Variants in ASAP2 observed in about 807,000 individuals in gnomAD.
ASAP2 encodes ArfGAP with SH3 domain, ankyrin repeat and PH domain 2.
Under a neutral mutation model 131.4 loss-of-function variants are expected in ASAP2, and 45 were observed. The ratio of observed to expected loss-of-function variants is 0.34; its 90% CI spans 0.27 to 0.44. The LOEUF (loss-of-function observed/expected upper bound fraction) is 0.44, where lower values mean the gene tolerates loss of function less well. ASAP2 is among the 20% of genes least tolerant of loss of function. The probability of loss-of-function intolerance (pLI) is 1.00; values close to 1 mark genes in which losing one functional copy is unlikely to be tolerated. For synonymous variants in ASAP2, 510 were observed against 503.0 expected (o/e 1.01, Z -0.19); for missense variants, 1,011 against 1,297.0 (o/e 0.78, Z 3.39).
chr2:9,399,730 G>A (rs889747083), intron 24 of ASAP2: 3 of 476,344 alleles, frequency 6.3e-6, no homozygotes, highest in Non-Finnish European at 1.1e-5. Flanking sequence ...TCGGGGCGGG[G>A]CCAGTGGCCA....
chr2:9,394,690 T>C (rs1333546607), intron 24 of ASAP2, among the ~76,000 whole-genome samples: 1 of 152,230 alleles, frequency 6.6e-6, no homozygotes, highest in African/African-American at 2.4e-5. Flanking sequence ...TGAGTTCACA[T>C]TGACATCTCT....
intron 1 of ASAP2, among the ~76,000 whole-genome samples, chr2:9,222,077 C>T (rs536371461): frequency 1.7e-4 from 26 of 152,290 alleles, no homozygotes; most frequent in Admixed American, 2.6e-4. Context: ...CGTGAGCCAC[C>T]GCGCTGGCCT....
At chr2:9,208,692 C>G (rs926866104) in intron 1 of ASAP2, among the ~76,000 whole-genome samples, 4 of 152,144 alleles carry the variant, frequency 2.6e-5, no homozygotes, top group Non-Finnish European at 5.9e-5. Flanking sequence ...AGCAGCAAGG[C>G]TTACAGATGA....
chr2:9,256,855 G>A (rs1001876352), intron 1 of ASAP2, among the ~76,000 whole-genome samples: 1 of 152,236 alleles, frequency 6.6e-6, no homozygotes, highest in Non-Finnish European at 1.5e-5. Context: ...CCGAGAGTCA[G>A]TATGACTGTC....
intron 1 of ASAP2, among the ~76,000 whole-genome samples, chr2:9,251,306 T>A (rs1664689087): frequency 6.6e-6 from 1 of 152,122 alleles, no homozygotes; most frequent in African/African-American, 2.4e-5. Context: ...GGCATTTGAC[T>A]TCGTCCCACT....
At chr2:9,344,832 C>T in intron 11 of ASAP2, 32 bp downstream of exon 11, 1 of 1,586,560 alleles carries the variant, frequency 6.3e-7, no homozygotes, top group Non-Finnish European at 8.6e-7. Flanking sequence ...ATGGTGTCTG[C>T]TGTATTAGGT....
At chr2:9,258,974 G>T (rs1338682124) in intron 1 of ASAP2, among the ~76,000 whole-genome samples, 3 of 152,028 alleles carry the variant, frequency 2.0e-5, no homozygotes, top group African/African-American at 4.8e-5. Flanking sequence ...AGCCAGTTTC[G>T]CGGGGCCAGA....
chr2:9,368,948 G>A (rs1383527486), intron 16 of ASAP2, among the ~76,000 whole-genome samples: 1 of 151,886 alleles, frequency 6.6e-6, no homozygotes, highest in African/African-American at 2.4e-5. Context: ...TTGCAAATGT[G>A]GAATGTGTTA....
chr2:9,403,302 C>T lies in ASAP2; in HGVS notation c.2996C>T (p.Ser999Leu). ...DPGRKGAFPV[S>L]FVHFIAD ...GGTCGCAAAGGCGCATTCCCGGTGT[C>T]ATTTGTGCACTTTATCGCTGACTGA... Residue 999 changes from serine to leucine, a missense_variant, in exon 28 of 28, where the codon TCA becomes TTA. Transcript: ENST00000281419. 2 of 1,614,134 alleles carry T rather than the reference C, an allele frequency of 1.2e-6. No individual in the cohort carries two copies. Among genetic ancestry groups the T allele is most frequent in the Non-Finnish European group, 1.7e-6 (2 of 1,180,018 alleles).
At position 9,254,222 on chromosome 2, in the gene ASAP2, A is replaced by T. The variant is rs1392120231; in HGVS notation, c.127-25095A>T. 1.0e-3 allele frequency among the ~76,000 whole-genome samples: 80 copies of T among 77,596 alleles called. 1 individual carries two copies. The highest frequency in any genetic ancestry group is 1.6e-3 in the Non-Finnish European group (65 of 40,346). 50.9% of individuals were successfully genotyped at this position (77,596 alleles called of 152,430 possible). A position where few individuals can be genotyped will look rare whatever the true frequency, so the allele number is the denominator to read the frequency against. ...GGAGACTGTCTCAAAAAAAAAAAAA[A>T]AAAAAAAAAAAAAAATATATATATA... On this transcript the variant is annotated intron_variant, in intron 1 of 27. Transcript: ENST00000281419.
rs537312012 is a variant in ASAP2 at position 9,270,869 on chromosome 2, T to G, written c.127-8448T>G. On this transcript the variant is annotated intron_variant, in intron 1 of 27. Coordinates refer to ENST00000281419, the MANE Select transcript of ASAP2 (RefSeq NM_003887.3). ...GTGCAGTGGCGCGATCTCGGCTCACTGCAAGCCCCGCCTCCCGGGTTCACG... is the reference window on the plus strand; with the variant it reads ...GTGCAGTGGCGCGATCTCGGCTCACGGCAAGCCCCGCCTCCCGGGTTCACG... Among the ~76,000 whole-genome samples, 7 of 140,394 alleles carry G rather than the reference T, an allele frequency of 5.0e-5. No homozygotes were observed. In the East Asian group the frequency reaches 1.5e-3, roughly 31 times the overall value. The allele number at this position is 140,394 out of a possible 152,430, so 92.1% of individuals were successfully genotyped here.
At chr2:9,208,572 A>G (rs1661312866) in intron 1 of ASAP2, among the ~76,000 whole-genome samples, 1 of 152,152 alleles carries the variant, frequency 6.6e-6, no homozygotes, top group African/African-American at 2.4e-5. Context: ...GAATCCTGTT[A>G]ATATAACTTG....
chr2:9,239,967 CTTCTGT>C (rs1184739832), intron 1 of ASAP2, among the ~76,000 whole-genome samples: 4 of 152,068 alleles, frequency 2.6e-5, no homozygotes, highest in African/African-American at 9.7e-5. Context: ...AGAAGGAGGT[CTTCTGT>C]TTCTAAGTTG....
intron 21 of ASAP2, among the ~76,000 whole-genome samples, chr2:9,386,630 A>G (rs2148770030): frequency 6.6e-6 from 1 of 152,338 alleles, no homozygotes; most frequent in Non-Finnish European, 1.5e-5. Context: ...TTAGTTCTGC[A>G]CACCTGAGCT....
At chr2:9,259,773 C>A (rs1326975819) in intron 1 of ASAP2, among the ~76,000 whole-genome samples, 2 of 152,218 alleles carry the variant, frequency 1.3e-5, no homozygotes, top group African/African-American at 4.8e-5. Context: ...ATGAACTCAT[C>A]TGAGGCCGAC....
chr2:9,375,040 G>C (rs1367447029), intron 17 of ASAP2, 96 bp downstream of exon 17: 1 of 1,158,102 alleles, frequency 8.6e-7, no homozygotes, highest in East Asian at 2.7e-5. Context: ...GGAGGCCAAG[G>C]CGGAGGATCC....
rs144275179 is a variant in ASAP2 at position 9,237,144 on chromosome 2, G to C, written c.126+29914G>C. ...CCAGGAAAACACTGGTTTCTGGCTT[G>C]AGTGAGTGGAAGCTTTTTTAAAAAA... On this transcript the variant is annotated intron_variant, in intron 1 of 27. Transcript: ENST00000281419. Among the ~76,000 whole-genome samples the C allele has an allele frequency of 2.8e-3, 428 of 152,186 alleles. 4 individuals carry two copies. The highest frequency in any genetic ancestry group is 9.7e-3 in the African/African-American group (403 of 41,526).
At chr2:9,316,835 T>G (rs1669702891) in intron 3 of ASAP2, among the ~76,000 whole-genome samples, 1 of 152,008 alleles carries the variant, frequency 6.6e-6, no homozygotes, top group Admixed American at 6.5e-5. Context: ...GCCTTCTTGC[T>G]TCAGGGAGAA....
chr2:9,244,921 C>T (rs559563519), intron 1 of ASAP2, among the ~76,000 whole-genome samples: 25 of 152,262 alleles, frequency 1.6e-4, no homozygotes, highest in African/African-American at 3.9e-4. Flanking sequence ...AGCCTTTCTG[C>T]GGAGAATAAT....
Sources: allele counts gnomAD v4.1 joint callset (sites outside exome capture counted in the v4.1 genomes callset), GRCh38; gene constraint gnomAD v4.1.1; transcripts MANE v1.5; gene names NCBI Gene and HGNC (gene_info 2026-07-23, HGNC 2026-07-21).